RTKN: variants seen among roughly 807,000 people sequenced by gnomAD.
RTKN encodes rhotekin.
In RTKN, 49 loss-of-function variants were observed where a neutral mutation model predicts 63.5. That is an observed-to-expected ratio of 0.77 (90% confidence interval 0.61 to 0.98). The LOEUF (loss-of-function observed/expected upper bound fraction) is 0.98, where lower values mean the gene tolerates loss of function less well. RTKN is among the 50% of genes least tolerant of loss of function. The pLI, the probability that RTKN is intolerant of heterozygous loss-of-function variation, is 0.00. For missense variants in RTKN, 685 were observed against 740.8 expected (o/e 0.92, Z 0.87); for synonymous variants, 295 against 290.4 (o/e 1.02, Z -0.16).
intron 9 of RTKN, 82 bp from the exon 10 acceptor site, chr2:74,427,674 A>G: frequency 7.0e-7 from 1 of 1,437,076 alleles, no homozygotes; most frequent in South Asian, 1.3e-5. Flanking sequence ...CTGCCTTAGA[A>G]GAATGAGCTT....
chr2:74,438,347 C>A (rs914032948), intron 1 of RTKN, among the ~76,000 whole-genome samples: 1 of 152,172 alleles, frequency 6.6e-6, no homozygotes, highest in Non-Finnish European at 1.5e-5. Context: ...CCACCATGAG[C>A]ATTTTAATTC....
In RTKN at chr2:74,428,248, A is replaced by C; in HGVS notation, c.1086+20T>G. On this transcript the variant is annotated intron_variant, in intron 9 of 11. Coordinates refer to ENST00000272430, the MANE Select transcript of RTKN (RefSeq NM_001015055.2). ...CTGGGCCTGTGCCCTTGGTGGCCTTACTACCAAGGGACCCATCACCTTGTT... is the reference window on the plus strand; with the variant it reads ...CTGGGCCTGTGCCCTTGGTGGCCTTCCTACCAAGGGACCCATCACCTTGTT... 6.2e-7 allele frequency: 1 copy of C among 1,614,108 alleles called. No homozygotes were observed.
At position 74,430,289 on chromosome 2, in the gene RTKN, T is replaced by C. The variant is rs1409684531; in HGVS notation, c.508A>G (p.Thr170Ala). 1 of 1,613,874 alleles carries C rather than the reference T, an allele frequency of 6.2e-7. No homozygotes were observed. The highest frequency in any genetic ancestry group is 8.5e-7 in the Non-Finnish European group (1 of 1,179,932). ...QDTEMILVDR[T>A]LTDISFQSNV... ...CTCTGAAAGGAGATGTCTGTGAGGG[T>C]CCTGTCCACTAGGATCATCTCTGTG... The change falls in exon 5 of 12, where the codon ACC (threonine) becomes GCC (alanine). Residue 170 changes from threonine (T) to alanine (A), a missense_variant. Thr to Ala is a moderately conservative substitution (Grantham distance 58). Coordinates refer to ENST00000272430, the MANE Select transcript of RTKN (RefSeq NM_001015055.2).
rs1670803922 is a variant in RTKN, at chr2:74,432,452, C to T, written c.311+15G>A. 3 of 1,605,176 alleles carry T rather than the reference C, an allele frequency of 1.9e-6. No homozygotes were observed. Among genetic ancestry groups the T allele is most frequent in the East Asian group, 2.2e-5 (1 of 44,884 alleles). ...CCTCCTGCCTCCATCGAGGCCTCGT[C>T]TCCCCCTTGCTCACCGCCGGCTTGT... On this transcript the variant is annotated intron_variant, in intron 2 of 11. Transcript: ENST00000272430.
At position 74,425,975 on chromosome 2, in the gene RTKN, G is replaced by A. The variant is rs1344401502; in HGVS notation, c.*268C>T. The A allele has an allele frequency of 6.1e-6, 4 of 653,694 alleles. No homozygotes were observed. In the South Asian group the frequency reaches 7.8e-5, roughly 13 times the overall value. 40.5% of individuals were successfully genotyped at this position (653,694 alleles called of 1,614,324 possible). On this transcript the variant is annotated 3_prime_UTR_variant, in exon 12 of 12. Coordinates refer to ENST00000272430, the MANE Select transcript of RTKN (RefSeq NM_001015055.2). ...TCAGTGCCATCCTCAAAGCTGGTTA[G>A]TGCAGGGAGGTAGGGCAGAGTTGGT...
intron 1 of RTKN, among the ~76,000 whole-genome samples, chr2:74,433,817 C>T (rs953101732): frequency 2.0e-5 from 3 of 151,748 alleles, no homozygotes; most frequent in South Asian, 2.1e-4. Context: ...TTTTAAACAC[C>T]AAAATTAAAA....
rs1285494219 is a variant in RTKN, at chr2:74,430,475, CT to C, written c.416del (p.Lys139ArgfsTer26). ...GTGTGTGGAACTCACCACCTTTGTT[CT>C]TGAAATATTCTGTGTCCTTCCACAT... Reference protein sequence around the residue: ...PLMWKDTEYFKNKGDLHRWAV... With the variant: ...PLMWKDTEYFXNKGDLHRWAV... On this transcript the variant is annotated frameshift_variant, in exon 4 of 12. Transcript: ENST00000272430. LOFTEE classifies it high-confidence loss of function. 2 of 1,614,052 alleles carry C rather than the reference CT, an allele frequency of 1.2e-6. No individual in the cohort carries two copies. Among genetic ancestry groups the C allele is most frequent in the Non-Finnish European group, 1.7e-6 (2 of 1,180,040 alleles).
rs1200643098 is a variant in RTKN, at chr2:74,426,107, G to GCAGCCTA, written c.*129_*135dup. ...TTAAGAGGGGCTTCTGCCCACCCCT[G>GCAGCCTA]CAGCCTACCCCAGGTCCAGCAGAGG... On this transcript the variant is annotated 3_prime_UTR_variant, in exon 12 of 12. Coordinates refer to ENST00000272430, the MANE Select transcript of RTKN (RefSeq NM_001015055.2). 1 of 818,566 alleles carries GCAGCCTA rather than the reference G, an allele frequency of 1.2e-6. No homozygotes were observed. The highest frequency in any genetic ancestry group is 2.4e-5 in the East Asian group (1 of 41,138). 50.7% of individuals were successfully genotyped at this position (818,566 alleles called of 1,614,324 possible).
In RTKN at chr2:74,430,660, G is replaced by A. The variant is rs768291242; in HGVS notation, c.329C>T (p.Pro110Leu). 25 of 1,612,792 alleles carry A rather than the reference G, an allele frequency of 1.6e-5. No individual in the cohort carries two copies. The highest frequency in any genetic ancestry group is 4.0e-5 in the African/African-American group (3 of 74,872). ...GCGGCAGGGGGAGCGCTCAGCGGGC[G>A]GGCCACTGTCAGAAGGCCTGTGGAT... is the stretch of plus-strand genomic sequence containing the variant. ...KTSRRPSDSG[P>L]PAERSPCRGR... The change falls in exon 3 of 12, where the codon CCG becomes CTG. Residue 110 changes from proline to leucine, a missense_variant. Pro to Leu is a moderately conservative substitution (Grantham distance 98, BLOSUM62 -3). Coordinates refer to ENST00000272430, the MANE Select transcript of RTKN (RefSeq NM_001015055.2).
chr2:74,429,717 G>T, intron 6 of RTKN, 111 bp downstream of exon 6: 1 of 1,025,140 alleles, frequency 9.8e-7, no homozygotes, highest in Non-Finnish European at 1.5e-6. Context: ...ATATCTGTCT[G>T]CACATCCTGG....
Position 74,427,474 on chromosome 2 carries a change from T to G in RTKN, c.1205A>C (p.Glu402Ala). The G allele has an allele frequency of 1.2e-6, 2 of 1,614,190 alleles. No individual in the cohort carries two copies. The highest frequency in any genetic ancestry group is 1.7e-6 in the Non-Finnish European group (2 of 1,180,038). ...AGCCTCCATCCAGCTCTGCAGTGCTTCCCGACTTTCTGTCTGAAGGGTGTG... is the reference window on the plus strand; with the variant it reads ...AGCCTCCATCCAGCTCTGCAGTGCTGCCCGACTTTCTGTCTGAAGGGTGTG... ...VTHTLQTESR[E>A]ALQSWMEALW... Residue 402 changes from glutamate (E) to alanine (A), a missense_variant, in exon 10 of 12, where the codon GAA becomes GCA. By Grantham distance (107) the Glu-to-Ala change is moderately radical (BLOSUM62 -1). Coordinates refer to ENST00000272430, the MANE Select transcript of RTKN (RefSeq NM_001015055.2).
At chr2:74,431,506 C>A (rs1234798022) in intron 2 of RTKN, among the ~76,000 whole-genome samples, 9 of 152,228 alleles carry the variant, frequency 5.9e-5, no homozygotes, top group Admixed American at 5.9e-4. Context: ...ATGTGTTTAG[C>A]TGCCAGGCAC....
Position 74,425,995 on chromosome 2 carries a change from G to A in RTKN, c.*248C>T. 1.6e-6 allele frequency: 1 copy of A among 641,606 alleles called. No homozygotes were observed. The allele number at this position is 641,606 out of a possible 1,614,324, so 39.7% of individuals were successfully genotyped here. On this transcript the variant is annotated 3_prime_UTR_variant, in exon 12 of 12. Transcript: ENST00000272430. ...GGTTAGTGCAGGGAGGTAGGGCAGA[G>A]TTGGTTCCAGTTTTCTTCCAGGAAG... is the stretch of plus-strand genomic sequence containing the variant.
chr2:74,439,845 T>G, intron 1 of RTKN: 2 of 1,365,808 alleles, frequency 1.5e-6, no homozygotes, highest in Non-Finnish European at 1.9e-6. Flanking sequence ...TCCGGGGCCC[T>G]GCCGGGAGCC....
At chr2:74,428,973 G>T in intron 6 of RTKN, 31 bp from the exon 7 acceptor site, 3 of 1,568,826 alleles carry the variant, frequency 1.9e-6, no homozygotes, top group Non-Finnish European at 2.6e-6. Flanking sequence ...CATCAGCCAA[G>T]GGAGGGGCAT....
Position 74,432,548 on chromosome 2 carries a change from A to G in RTKN, c.230T>C (p.Val77Ala), listed in dbSNP as rs1558545587. 14 of 1,613,476 alleles carry G rather than the reference A, an allele frequency of 8.7e-6. No homozygotes were observed. The highest frequency in any genetic ancestry group is 1.2e-5 in the Non-Finnish European group (14 of 1,179,918). ...GTAGCTGAGGATGCGGCTGTTGCACACTAGCAGGCTCTTGGTGGCCTCCAG... is the reference window on the plus strand; with the variant it reads ...GTAGCTGAGGATGCGGCTGTTGCACGCTAGCAGGCTCTTGGTGGCCTCCAG... ...QALEATKSLL[V>A]CNSRILSYMG... is the part of the protein sequence containing the mutation. The change falls in exon 2 of 12, where the codon GTG (valine) becomes GCG (alanine). Residue 77 changes from valine (V) to alanine (A), a missense_variant. Coordinates refer to ENST00000272430, the MANE Select transcript of RTKN (RefSeq NM_001015055.2).
intron 1 of RTKN, 79 bp downstream of exon 1, chr2:74,441,627 G>T: frequency 2.0e-6 from 2 of 1,013,934 alleles, no homozygotes; most frequent in Non-Finnish European, 3.0e-6. Context: ...CGTGCACGCG[G>T]GCGAGGGAAG....
In RTKN at chr2:74,429,908, T is replaced by G; in HGVS notation, c.675A>C (p.Ser225=). The G allele has an allele frequency of 6.2e-7, 1 of 1,614,166 alleles. No homozygotes were observed. The highest frequency in any genetic ancestry group is 2.2e-5 in the East Asian group (1 of 44,874). ...CCAGCGATGCCCGGACACGCCTCCC[T>G]GAGGAGCGGCCCAGGGAGCTGCTGA... ...TKLSSSLGRS[S]GRRVRASLDS... Residue 225 remains serine, a synonymous_variant, in exon 6 of 12, where the codon TCA becomes TCC. Transcript: ENST00000272430.
At position 74,430,634 on chromosome 2, in the gene RTKN, C is replaced by T. The variant is rs138243834; in HGVS notation, c.355G>A (p.Gly119Ser). The T allele has an allele frequency of 6.2e-6, 10 of 1,613,808 alleles. No homozygotes were observed. The East Asian group carries it at 1.1e-4, about 18-fold the overall frequency. ...GPPAERSPCR[G>S]RVCISDLRIP... The stretch of plus-strand genomic sequence containing the variant: ...TTCTTACCAGAGATGCAGACCCGGC[C>T]GCGGCAGGGGGAGCGCTCAGCGGGC... The change falls in exon 3 of 12, where the codon GGC becomes AGC. Residue 119 changes from glycine (G) to serine (S), a missense_variant. Physicochemically the swap from Gly to Ser is moderately conservative, Grantham distance 56. Coordinates refer to ENST00000272430, the MANE Select transcript of RTKN (RefSeq NM_001015055.2).
Sources: allele counts gnomAD v4.1 joint callset (sites outside exome capture counted in the v4.1 genomes callset), GRCh38; gene constraint gnomAD v4.1.1; transcripts MANE v1.5; gene names NCBI Gene and HGNC (gene_info 2026-07-23, HGNC 2026-07-21).